Variants in KIAA1671 observed in about 807,000 individuals in gnomAD.
KIAA1671 encodes the protein uncharacterized protein KIAA1671.
Under a neutral mutation model 131.2 loss-of-function variants are expected in KIAA1671, and 52 were observed. That is an observed-to-expected ratio of 0.40 (90% confidence interval 0.32 to 0.50). The LOEUF is 0.50. Among genes scored for constraint, KIAA1671 ranks in the 20% least tolerant of loss-of-function variants. The pLI, the probability that KIAA1671 is intolerant of heterozygous loss-of-function variation, is 0.73. For synonymous variants in KIAA1671, 1,003 were observed against 961.6 expected (o/e 1.04, Z -0.80); for missense variants, 2,360 against 2,364.2 (o/e 1.00, Z 0.04).
intron 1 of KIAA1671, among the ~76,000 whole-genome samples, chr22:25,004,480 C>T (rs1693352279): frequency 6.6e-6 from 1 of 152,130 alleles, no homozygotes. Context: ...TTGGCTAATA[C>T]ATTGACAAGA....
At chr22:25,116,489 T>C (rs2145921959) in intron 6 of KIAA1671, among the ~76,000 whole-genome samples, 1 of 152,108 alleles carries the variant, frequency 6.6e-6, no homozygotes, top group African/African-American at 2.4e-5. Flanking sequence ...TGGTGCAGTC[T>C]TGGCTCACTG....
At chr22:24,997,937 T>C (rs1036576762) in intron 1 of KIAA1671, among the ~76,000 whole-genome samples, 1 of 152,216 alleles carries the variant, frequency 6.6e-6, no homozygotes, top group Non-Finnish European at 1.5e-5. Flanking sequence ...AAATTTTGCC[T>C]GAATTTCATA....
intron 6 of KIAA1671, among the ~76,000 whole-genome samples, chr22:25,090,595 G>A (rs1200722611): frequency 6.6e-6 from 1 of 152,264 alleles, no homozygotes; most frequent in East Asian, 1.9e-4. Context: ...GAAACAGCCA[G>A]GGGCTGGCCC....
intron 6 of KIAA1671, chr22:25,050,033 T>A (rs1012697591): frequency 1.3e-5 from 2 of 152,304 alleles, no homozygotes; most frequent in Non-Finnish European, 2.9e-5. Context: ...ATTCATGAAG[T>A]GCTTAGCATG....
At chr22:25,150,124 C>T (rs145995207) in intron 6 of KIAA1671, among the ~76,000 whole-genome samples, 272 of 152,348 alleles carry the variant, frequency 1.8e-3, no homozygotes, top group African/African-American at 6.3e-3. Flanking sequence ...ATGAAGTGCT[C>T]AGTGTCCTGA....
rs1350378096 is a variant in KIAA1671 at position 24,975,996 on chromosome 22, T to C, written c.-208+23224T>C. Among the ~76,000 whole-genome samples, 6 of 152,360 alleles carry C rather than the reference T, an allele frequency of 3.9e-5. No homozygotes were observed. In the South Asian group the frequency reaches 6.2e-4, roughly 16 times the overall value. On this transcript the variant is annotated intron_variant, in intron 1 of 12. Transcript: ENST00000358431. ...CAGCGTGGGCTTCCCGTGTGGCTAC[T>C]GTATGCCTTGTGGGAAGAGGCGGGC...
chr22:24,953,590 T>G (rs146374798), intron 1 of KIAA1671, among the ~76,000 whole-genome samples: 2 of 151,896 alleles, frequency 1.3e-5, no homozygotes, highest in East Asian at 3.9e-4. Flanking sequence ...CCCGCCCCGA[T>G]GGCGGCGCGG....
chr22:24,974,825 TG>T (rs1382332363), intron 1 of KIAA1671, among the ~76,000 whole-genome samples: 1 of 151,706 alleles, frequency 6.6e-6, no homozygotes, highest in Non-Finnish European at 1.5e-5. Flanking sequence ...CCCGAGTAGC[TG>T]GGACTACAAG....
intron 6 of KIAA1671, among the ~76,000 whole-genome samples, chr22:25,088,366 C>G (rs1485182848): frequency 6.6e-6 from 1 of 152,164 alleles, no homozygotes; most frequent in East Asian, 1.9e-4. Flanking sequence ...CTTGGCCTCC[C>G]AAAGTGCTGG....
intron 6 of KIAA1671, among the ~76,000 whole-genome samples, chr22:25,167,410 G>GA (rs913711067): frequency 6.6e-6 from 1 of 152,138 alleles, no homozygotes; most frequent in African/African-American, 2.4e-5. Flanking sequence ...TTATAGTGGT[G>GA]AAGAAAATCC....
intron 1 of KIAA1671, among the ~76,000 whole-genome samples, chr22:24,977,424 A>G (rs5760771): frequency 0.21 from 32,540 of 152,132 alleles, 4,301 homozygotes; most frequent in East Asian, 0.55. Flanking sequence ...GAGGCTCAGC[A>G]GGGATGGTAG....
Position 25,040,269 on chromosome 22 carries a change from G to A in KIAA1671, c.3139G>A (p.Gly1047Arg). ...AAAGGCAAAGGGTGTGGTTCTGTCA[G>A]GAGCTGAAAGCTTGCTGGAACATTC... Reference protein sequence around the residue: ...TQKAKGVVLSGAESLLEHSRK... With the variant: ...TQKAKGVVLSRAESLLEHSRK... Residue 1047 changes from glycine (G) to arginine (R), a missense_variant, in exon 5 of 13, where the codon GGA (glycine) becomes AGA (arginine). Physicochemically the swap from Gly to Arg is moderately radical, Grantham distance 125 (BLOSUM62 -2). Transcript: ENST00000358431. 6.4e-7 allele frequency: 1 copy of A among 1,551,710 alleles called. No homozygotes were observed. Among genetic ancestry groups the A allele is most frequent in the Non-Finnish European group, 8.7e-7 (1 of 1,147,006 alleles).
chr22:25,034,242 C>T lies in KIAA1671; in HGVS notation c.1629+1546C>T, dbSNP rs1000867744. On this transcript the variant is annotated intron_variant, in intron 4 of 12. Coordinates refer to ENST00000358431, the MANE Select transcript of KIAA1671 (RefSeq NM_001145206.2). ...TGCATTTTTAGTAGAGACGGGGTTT[C>T]GCTGTGTTGGCCAGGCTGGTCTTGC... Among the ~76,000 whole-genome samples, 8 of 151,846 alleles carry T rather than the reference C, an allele frequency of 5.3e-5. No homozygotes were observed. In the East Asian group the frequency reaches 7.7e-4, roughly 15 times the overall value.
intron 1 of KIAA1671, among the ~76,000 whole-genome samples, chr22:24,959,327 G>A (rs1007863616): frequency 2.0e-5 from 3 of 151,706 alleles, no homozygotes; most frequent in South Asian, 2.1e-4. Context: ...CCAACATGGT[G>A]AAACCCCATC....
chr22:25,053,150 CTT>C (rs1927632032), intron 6 of KIAA1671: 1 of 152,100 alleles, frequency 6.6e-6, no homozygotes, highest in Admixed American at 6.6e-5. Context: ...AGGGAAGTGT[CTT>C]GTGTATGGTC....
intron 1 of KIAA1671, among the ~76,000 whole-genome samples, chr22:25,008,371 C>T (rs115997433): frequency 1.1e-3 from 174 of 152,146 alleles, no homozygotes; most frequent in African/African-American, 3.8e-3. Context: ...AATCACTTTG[C>T]CTTTCCAAAC....
intron 1 of KIAA1671, among the ~76,000 whole-genome samples, chr22:24,998,442 G>A (rs1303001191): frequency 2.0e-5 from 3 of 151,466 alleles, no homozygotes; most frequent in Non-Finnish European, 4.4e-5. Flanking sequence ...CATTTGGGCC[G>A]GGCACGGTGG....
At chr22:24,974,581 T>A (rs1026516944) in intron 1 of KIAA1671, among the ~76,000 whole-genome samples, 3 of 152,132 alleles carry the variant, frequency 2.0e-5, no homozygotes, top group Admixed American at 2.0e-4. Flanking sequence ...TTTCTTGATA[T>A]GTGTATACCA....
At chr22:25,128,015 A>T (rs1932264068) in intron 6 of KIAA1671, among the ~76,000 whole-genome samples, 2 of 152,222 alleles carry the variant, frequency 1.3e-5, no homozygotes, top group Non-Finnish European at 1.5e-5. Flanking sequence ...CACTTCTGAC[A>T]TCTAGGACCT....
Sources: gnomAD v4.1 joint callset for allele counts (sites outside exome capture counted in the v4.1 genomes callset) on GRCh38, gnomAD v4.1.1 for gene constraint, MANE v1.5 for transcripts, NCBI Gene and HGNC (gene_info 2026-07-23, HGNC 2026-07-21) for gene names.